The following COL6A3 variants were observed in gnomAD, a reference collection of about 807,000 sequenced individuals.
The protein encoded by COL6A3 is collagen type VI alpha 3 chain.
COL6A3 carries 137 observed loss-of-function variants against 274.1 expected under a neutral mutation model. That is an observed-to-expected ratio of 0.50 (90% CI 0.44 to 0.58). The LOEUF is 0.58. Among genes scored for constraint, COL6A3 ranks in the 20% least tolerant of loss-of-function variants. COL6A3 has a pLI of 0.00. For synonymous variants in COL6A3, 1,650 were observed against 1,650.6 expected (o/e 1.00, Z 0.01); for missense variants, 3,950 against 4,124.9 (o/e 0.96, Z 1.16).
Position 237,344,912 on chromosome 2 carries a change from T to C in COL6A3, c.7174+29A>G. ...ACTACAAAAGGGAGGCTTCCTTTCC[T>C]TAGGAGAAAGTCACCAAAATCAACT... On this transcript the variant is annotated intron_variant, in intron 35 of 43. Transcript: ENST00000295550. This position sits in a 1 kb window ranked among gnomAD's most constrained non-coding sequence, Gnocchi z 4.8. 1 of 1,614,086 alleles carries C rather than the reference T, an allele frequency of 6.2e-7. No homozygotes were observed.
rs775165275 is a variant in COL6A3, at chr2:237,381,281, C to T, written c.1531G>A (p.Ala511Thr). The change falls in exon 5 of 44, where the codon GCT (alanine) becomes ACT (threonine). Residue 511 changes from alanine to threonine, a missense_variant. Coordinates refer to ENST00000295550, the MANE Select transcript of COL6A3 (RefSeq NM_004369.4). ...THPTKREVIT[A>T]VRKMKPLDGS... ...TCCAGGGGCTTCATTTTCCGCACAG[C>T]GGTTATGACTTCCCTTTTTGTTGGA... The T allele has an allele frequency of 1.1e-5, 18 of 1,614,122 alleles. No individual in the cohort carries two copies. The highest frequency in any genetic ancestry group is 4.0e-5 in the African/African-American group (3 of 74,934).
intron 1 of COL6A3, among the ~76,000 whole-genome samples, chr2:237,398,532 G>A (rs2078509488): frequency 6.6e-6 from 1 of 152,162 alleles, no homozygotes; most frequent in African/African-American, 2.4e-5. Flanking sequence ...AAGTCCCCTT[G>A]CCAGGACAGC....
intron 18 of COL6A3, 21 bp from the exon 19 acceptor site, chr2:237,359,271 C>T (rs2077383581): frequency 2.5e-6 from 4 of 1,614,156 alleles, no homozygotes; most frequent in Non-Finnish European, 3.4e-6. Context: ...ATAAGGCGGA[C>T]AGGTAAGTAT....
chr2:237,326,483 G>T (rs999401558), intron 42 of COL6A3: 2 of 152,168 alleles, frequency 1.3e-5, no homozygotes, highest in African/African-American at 2.4e-5. Flanking sequence ...TAAAGCAAAG[G>T]TCCCCTCGAC....
At position 237,375,073 on chromosome 2, in the gene COL6A3, A is replaced by G. The variant is rs914270771; in HGVS notation, c.3071-53T>C. The G allele has an allele frequency of 8.1e-6, 13 of 1,607,570 alleles. No individual in the cohort carries two copies. The East Asian group carries it at 2.7e-4, about 33-fold the overall frequency. On this transcript the variant is annotated intron_variant, in intron 7 of 43. Transcript: ENST00000295550. ...CACAGGACATCAGAGCAGCAATTTC[A>G]TATCAACGAGGTGGGCTGCATAAGA... is the stretch of plus-strand genomic sequence containing the variant.
intron 3 of COL6A3, among the ~76,000 whole-genome samples, chr2:237,394,183 C>T (rs377150909): frequency 6.6e-6 from 1 of 152,186 alleles, no homozygotes; most frequent in Non-Finnish European, 1.5e-5. Context: ...CCCTCGCTCC[C>T]GTCTCAGTTC....
intron 27 of COL6A3, among the ~76,000 whole-genome samples, 185 bp downstream of exon 27, chr2:237,350,945 A>G (rs573840188): frequency 1.3e-5 from 2 of 152,164 alleles, no homozygotes; most frequent in African/African-American, 4.8e-5. Flanking sequence ...TGGTGGTGGG[A>G]ATTATGGTGG....
intron 3 of COL6A3, among the ~76,000 whole-genome samples, chr2:237,390,685 C>T (rs984022077): frequency 6.6e-6 from 1 of 152,212 alleles, no homozygotes; most frequent in African/African-American, 2.4e-5. Context: ...CTGGTGTGGG[C>T]ACAATGCCTT....
chr2:237,372,131 G>C lies in COL6A3; in HGVS notation c.3886C>G (p.Gln1296Glu). The C allele has an allele frequency of 1.9e-6, 3 of 1,614,056 alleles. No homozygotes were observed. The highest frequency in any genetic ancestry group is 2.5e-6 in the Non-Finnish European group (3 of 1,180,030). ...LNAHSSKDEV[Q>E]NAVQRLRPKG... ...GGCCTCAGCCGCTGCACCGCGTTCT[G>C]CACTTCATCCTTGCTGGAATGGGCG... Residue 1296 changes from glutamine to glutamate, a missense_variant, in exon 9 of 44, where the codon CAG (glutamine) becomes GAG (glutamate). Gln to Glu is a conservative substitution (Grantham distance 29, BLOSUM62 2). Coordinates refer to ENST00000295550, the MANE Select transcript of COL6A3 (RefSeq NM_004369.4).
At chr2:237,343,949 T>G (rs1403558596) in intron 36 of COL6A3, 1 of 333,170 alleles carries the variant, frequency 3.0e-6, no homozygotes, top group African/African-American at 2.1e-5. Context: ...AAATGCCCAG[T>G]ACACAGTAAG....
chr2:237,409,715 T>C (rs577707039), intron 1 of COL6A3, among the ~76,000 whole-genome samples: 3 of 152,326 alleles, frequency 2.0e-5, no homozygotes, highest in Admixed American at 2.0e-4. Flanking sequence ...TAAAAGTATG[T>C]TAAAACCCAT....
Position 237,381,442 on chromosome 2 carries a change from C to A in COL6A3, c.1370G>T (p.Gly457Val), listed in dbSNP as rs377757978. 11 of 1,610,730 alleles carry A rather than the reference C, an allele frequency of 6.8e-6. No individual in the cohort carries two copies. Among genetic ancestry groups the A allele is most frequent in the Non-Finnish European group, 8.5e-6 (10 of 1,180,026 alleles). Residue 457 changes from glycine (G) to valine (V), a missense_variant, in exon 5 of 44, where the codon GGA (glycine) becomes GTA (valine). Transcript: ENST00000295550. The part of the protein sequence containing the change: ...VFLVDGSSAL[G>V]LANFNAIRDF... ...TCGGATGGCATTGAAGTTGGCCAGT[C>A]CCAGTGCAGATGAGCCATCCACCAG...
chr2:237,361,751 G>A lies in COL6A3; in HGVS notation c.6144C>T (p.Ser2048=). The A allele has an allele frequency of 1.2e-6, 2 of 1,614,174 alleles. No individual in the cohort carries two copies. The highest frequency in any genetic ancestry group is 8.5e-7 in the Non-Finnish European group (1 of 1,180,004). The change falls in exon 15 of 44, where the codon AGC becomes AGT. Residue 2048 remains serine (S), a synonymous_variant. Transcript: ENST00000295550. The surrounding 1 kb of genome is among the most constrained non-coding windows in gnomAD (Gnocchi z 5.1). ...GQRGDRGPIG[S]IGPKGIPGED... is the part of the protein sequence containing the mutation. ...AAAGCCACCGTACCTTTGGCCCGAT[G>A]CTGCCGATGGGCCCGCGGTCTCCCC...
At chr2:237,390,266 C>T (rs2078253555) in intron 3 of COL6A3, among the ~76,000 whole-genome samples, 1 of 152,142 alleles carries the variant, frequency 6.6e-6, no homozygotes, top group African/African-American at 2.4e-5. Flanking sequence ...GATAAATGGA[C>T]CCTGAGGGAA....
chr2:237,407,479 A>G lies in COL6A3; in HGVS notation c.-31+6474T>C, dbSNP rs1559294193. Among the ~76,000 whole-genome samples the G allele has an allele frequency of 6.6e-6, 1 of 152,224 alleles. No individual in the cohort carries two copies. The highest frequency in any genetic ancestry group is 1.5e-5 in the Non-Finnish European group (1 of 68,038). On this transcript the variant is annotated intron_variant, in intron 1 of 43. Transcript: ENST00000295550. This position sits in a 1 kb window ranked among gnomAD's most constrained non-coding sequence, Gnocchi z 4.3. ...GTGGATTATAACAAAGCAATGCAGAAAGAGAAGGCCTGGACATCCCCTACC... is the reference window on the plus strand; with the variant it reads ...GTGGATTATAACAAAGCAATGCAGAGAGAGAAGGCCTGGACATCCCCTACC...
chr2:237,374,473 G>A lies in COL6A3; in HGVS notation c.3618C>T (p.Thr1206=). 1 of 1,614,020 alleles carries A rather than the reference G, an allele frequency of 6.2e-7. No homozygotes were observed. Among genetic ancestry groups the A allele is most frequent in the Non-Finnish European group, 8.5e-7 (1 of 1,180,020 alleles). ...TVQQVISERV[T]QLTREELSRL... Reference sequence around the variant, plus strand: ...TGCTCAGCTCCTCGCGGGTGAGCTGGGTCACCCTCTCAGAGATGACCTGTT... The same window carrying A: ...TGCTCAGCTCCTCGCGGGTGAGCTGAGTCACCCTCTCAGAGATGACCTGTT... Residue 1206 remains threonine, a synonymous_variant, in exon 8 of 44, where the codon ACC becomes ACT. Transcript: ENST00000295550. This position sits in a 1 kb window ranked among gnomAD's most constrained non-coding sequence, Gnocchi z 4.8.
rs777305410 is a variant in COL6A3, at chr2:237,341,046, A to C, written c.7870T>G (p.Leu2624Val). Residue 2624 changes from leucine (L) to valine (V), a missense_variant, in exon 38 of 44, where the codon TTA becomes GTA. Physicochemically the swap from Leu to Val is conservative, Grantham distance 32. Around this residue, in one of 5 missense-constraint regions of COL6A3, gnomAD observed 1,284 missense variants for 1,349.7 expected, o/e 0.95. Coordinates refer to ENST00000295550, the MANE Select transcript of COL6A3 (RefSeq NM_004369.4). ...SDVDIDMAFI[L>V]DSAETTTLFQ... The stretch of plus-strand genomic sequence containing the variant: ...AGGGTGGTGGTCTCAGCGCTGTCTA[A>C]GATGAAAGCCATGTCGATGTCCACA... 8.2e-5 allele frequency: 132 copies of C among 1,614,058 alleles called. No homozygotes were observed. Among genetic ancestry groups the C allele is most frequent in the Non-Finnish European group, 1.1e-4 (130 of 1,180,036 alleles).
intron 12 of COL6A3, among the ~76,000 whole-genome samples, chr2:237,365,349 T>C (rs2077527573): frequency 6.6e-6 from 1 of 152,010 alleles, no homozygotes; most frequent in African/African-American, 2.4e-5. Context: ...GTCTACACAA[T>C]ATATATGCAT....
In COL6A3 at chr2:237,379,063, C is replaced by T. The variant is rs2077931057; in HGVS notation, c.2070G>A (p.Glu690=). 2 of 1,614,092 alleles carry T rather than the reference C, an allele frequency of 1.2e-6. No individual in the cohort carries two copies. Among genetic ancestry groups the T allele is most frequent in the Admixed American group, 1.7e-5 (1 of 60,010 alleles). ...TGGTCTGGTATGTGTTTAAAGAGAA[C>T]TCCGTTACAGGAGTGTCACTAAATT... is the stretch of plus-strand genomic sequence containing the variant. ...LVQFSDTPVT[E]FSLNTYQTKS... Residue 690 remains glutamate (E), a synonymous_variant, in exon 6 of 44, where the codon GAG becomes GAA. Coordinates refer to ENST00000295550, the MANE Select transcript of COL6A3 (RefSeq NM_004369.4).
Sources: gnomAD v4.1 joint callset for allele counts (sites outside exome capture counted in the v4.1 genomes callset) on GRCh38, gnomAD v4.1.1 for gene constraint, gnomAD v4.1.1 regional missense constraint, Gnocchi (gnomAD v3.1) non-coding constraint, MANE v1.5 for transcripts, NCBI Gene and HGNC (gene_info 2026-07-23, HGNC 2026-07-21) for gene names.